IRAG1: variants seen among roughly 807,000 people sequenced by gnomAD.
IRAG1 encodes the protein inositol 1,4,5-triphosphate receptor associated 1.
A neutral mutation model predicts 106.2 loss-of-function variants in IRAG1; 62 were observed. The observed-to-expected ratio is 0.58, with a 90% confidence interval of 0.48 to 0.72. The LOEUF is 0.72. Ranked by LOEUF, IRAG1 falls within the 30% of genes least tolerant of loss-of-function variation. IRAG1 has a pLI of 0.00. For synonymous variants in IRAG1, 462 were observed against 443.9 expected (o/e 1.04, Z -0.51); for missense variants, 1,064 against 1,140.7 (o/e 0.93, Z 0.97).
chr11:10,620,929 C>T (rs913301301), intron 10 of IRAG1, among the ~76,000 whole-genome samples: 3 of 152,124 alleles, frequency 2.0e-5, no homozygotes, highest in African/African-American at 7.2e-5. Context: ...AGGAACTATG[C>T]ACCCATTAAA....
chr11:10,678,338 T>A (rs1457051393), intron 1 of IRAG1, among the ~76,000 whole-genome samples: 1 of 152,246 alleles, frequency 6.6e-6, no homozygotes, highest in Admixed American at 6.5e-5. Flanking sequence ...AGCGATTTCA[T>A]CTTGTCGTCT....
intron 1 of IRAG1, among the ~76,000 whole-genome samples, chr11:10,655,469 C>A (rs1157062903): frequency 6.6e-6 from 1 of 152,198 alleles, no homozygotes; most frequent in Non-Finnish European, 1.5e-5. Context: ...TAACTAATGA[C>A]TGAAAGGTCA....
chr11:10,599,659 C>A (rs1280745499), intron 15 of IRAG1: 1 of 152,216 alleles, frequency 6.6e-6, no homozygotes, highest in African/African-American at 2.4e-5. Context: ...CCTTCTGCAG[C>A]TCTTGGTAAC....
chr11:10,596,889 T>C (rs1853375127), intron 15 of IRAG1, among the ~76,000 whole-genome samples: 1 of 152,220 alleles, frequency 6.6e-6, no homozygotes. Context: ...TGTGATTTGC[T>C]TATGCTACAT....
chr11:10,652,984 TGCA>T (rs1160523754), intron 1 of IRAG1, among the ~76,000 whole-genome samples: 1 of 152,138 alleles, frequency 6.6e-6, no homozygotes, highest in Non-Finnish European at 1.5e-5. Flanking sequence ...TTCCCCATGG[TGCA>T]GCAGCCTGGG....
Position 10,626,245 on chromosome 11 carries a change from T to G in IRAG1, c.1089A>C (p.Arg363Ser), listed in dbSNP as rs1341829840. The change falls in exon 9 of 21, where the codon AGA (arginine) becomes AGC (serine). Residue 363 changes from arginine (R) to serine (S), a missense_variant. Arg to Ser is a moderately radical substitution (Grantham distance 110). Transcript: ENST00000423302. Reference sequence around the variant, plus strand: ...GCCCCATCGGCTCTCCAGCTGGGCCTCTCCCCTGGGAGGCTGGGGGACCCA... The same window carrying G: ...GCCCCATCGGCTCTCCAGCTGGGCCGCTCCCCTGGGAGGCTGGGGGACCCA... ...AGVGPPASQG[R>S]GPAGEPMGPE... The G allele has an allele frequency of 6.2e-7, 1 of 1,605,426 alleles. No individual in the cohort carries two copies. The highest frequency in any genetic ancestry group is 8.5e-7 in the Non-Finnish European group (1 of 1,174,728).
intron 18 of IRAG1, among the ~76,000 whole-genome samples, chr11:10,588,787 T>C (rs1852318589): frequency 6.6e-6 from 1 of 152,292 alleles, no homozygotes; most frequent in East Asian, 1.9e-4. Flanking sequence ...CCACCCATCA[T>C]GTTGTATTAT....
intron 19 of IRAG1, 130 bp from the exon 20 acceptor site, chr11:10,580,719 GA>G: frequency 2.6e-6 from 3 of 1,134,172 alleles, no homozygotes; most frequent in Non-Finnish European, 2.5e-6. Flanking sequence ...CACAAAACAG[GA>G]AAAAGCTGGG....
intron 10 of IRAG1, among the ~76,000 whole-genome samples, chr11:10,616,163 G>A (rs545387387): frequency 2.6e-5 from 4 of 151,528 alleles, no homozygotes; most frequent in East Asian, 3.9e-4. Flanking sequence ...AAATTAGCCC[G>A]GCGTGGTGGC....
intron 10 of IRAG1, among the ~76,000 whole-genome samples, chr11:10,612,012 T>C (rs2134416022): frequency 6.6e-6 from 1 of 152,206 alleles, no homozygotes; most frequent in East Asian, 1.9e-4. Context: ...TTGAATGATA[T>C]GAAGGGATTT....
At chr11:10,692,692 T>C (rs1862153726) in intron 1 of IRAG1, among the ~76,000 whole-genome samples, 1 of 152,212 alleles carries the variant, frequency 6.6e-6, no homozygotes, top group Admixed American at 6.5e-5. Context: ...TGCCGAGCTC[T>C]GGGAGGCTGG....
At chr11:10,616,290 C>A (rs886856702) in intron 10 of IRAG1, among the ~76,000 whole-genome samples, 817 of 116,666 alleles carry the variant, frequency 7.0e-3, no homozygotes, top group Admixed American at 8.4e-3. Flanking sequence ...GACTCCATCT[C>A]AAAAAAAAAA....
intron 2 of IRAG1, 48 bp downstream of exon 2, chr11:10,651,977 G>T: frequency 6.6e-7 from 1 of 1,513,342 alleles, no homozygotes; most frequent in Non-Finnish European, 8.8e-7. Flanking sequence ...CAGGGTGCTT[G>T]GCTTGGCCCC....
intron 1 of IRAG1, among the ~76,000 whole-genome samples, chr11:10,688,094 C>CA (rs758245572): frequency 0.069 from 9,380 of 135,870 alleles, 326 homozygotes; most frequent in African/African-American, 0.11. Flanking sequence ...TTCCAAAGGC[C>CA]AAAAAAAAAA....
Position 10,576,626 on chromosome 11 carries a change from T to C in IRAG1, c.2496-51A>G, listed in dbSNP as rs1850836690. On this transcript the variant is annotated intron_variant, in intron 20 of 20. Coordinates refer to ENST00000423302, the MANE Select transcript of IRAG1 (RefSeq NM_130385.4). Reference sequence around the variant, plus strand: ...GGCTTTAGTATACTGGGCACACATATGATACACAGACCCACAGTTCTCTCT... The same window carrying C: ...GGCTTTAGTATACTGGGCACACATACGATACACAGACCCACAGTTCTCTCT... 4.4e-6 allele frequency: 7 copies of C among 1,605,774 alleles called. 1 individual carries two copies. In the South Asian group the frequency reaches 7.7e-5, roughly 18 times the overall value.
At chr11:10,683,332 A>C (rs1333340232) in intron 1 of IRAG1, among the ~76,000 whole-genome samples, 1 of 151,992 alleles carries the variant, frequency 6.6e-6, no homozygotes, top group African/African-American at 2.4e-5. Flanking sequence ...ACTATCATAA[A>C]ATGTGTATGC....
chr11:10,626,372 G>A lies in IRAG1; in HGVS notation c.962C>T (p.Pro321Leu). The A allele has an allele frequency of 6.2e-7, 1 of 1,613,864 alleles. No homozygotes were observed. Among genetic ancestry groups the A allele is most frequent in the Non-Finnish European group, 8.5e-7 (1 of 1,179,836 alleles). The change falls in exon 9 of 21, where the codon CCT becomes CTT. Residue 321 changes from proline (P) to leucine (L), a missense_variant. By Grantham distance (98) the Pro-to-Leu change is moderately conservative (BLOSUM62 -3). Coordinates refer to ENST00000423302, the MANE Select transcript of IRAG1 (RefSeq NM_130385.4). ...NSSGKMALNS[P>L]QPGPVESELG... ...CTCGCTCTCCACGGGGCCAGGCTGA[G>A]GGCTGTTCAGGGCCATTTTCCCACT...
intron 1 of IRAG1, among the ~76,000 whole-genome samples, chr11:10,669,515 C>T (rs1860049434): frequency 6.6e-6 from 1 of 152,190 alleles, no homozygotes; most frequent in Admixed American, 6.5e-5. Flanking sequence ...ATTTCTACTG[C>T]CTTTTCTTGA....
In IRAG1 at chr11:10,690,219, A is replaced by G. The variant is rs185986933; in HGVS notation, c.67+3317T>C. Reference sequence around the variant, plus strand: ...AGCCTGGGCAACATGACAAAACTCCATCTTTACTAAAAATGTAAAAATTAG... The same window carrying G: ...AGCCTGGGCAACATGACAAAACTCCGTCTTTACTAAAAATGTAAAAATTAG... On this transcript the variant is annotated intron_variant, in intron 1 of 20. Coordinates refer to ENST00000423302, the MANE Select transcript of IRAG1 (RefSeq NM_130385.4). The G allele has an allele frequency of 4.0e-3, 1,441 of 356,368 alleles. 4 individuals carry two copies. Among genetic ancestry groups the G allele is most frequent in the Non-Finnish European group, 6.5e-3 (1,247 of 191,644 alleles). 22.1% of individuals were successfully genotyped at this position (356,368 alleles called of 1,614,324 possible). A position where few individuals can be genotyped will look rare whatever the true frequency, so the allele number is the denominator to read the frequency against.
Sources: allele counts gnomAD v4.1 joint callset (sites outside exome capture counted in the v4.1 genomes callset), GRCh38; gene constraint gnomAD v4.1.1; transcripts MANE v1.5; gene names NCBI Gene and HGNC (gene_info 2026-07-23, HGNC 2026-07-21).